The following DOCK8 variants were observed in gnomAD, a reference collection of about 807,000 sequenced individuals.
DOCK8 encodes the protein dedicator of cytokinesis 8.
Under a neutral mutation model 245.6 loss-of-function variants are expected in DOCK8, and 141 were observed. That is an observed-to-expected ratio of 0.57 (90% CI 0.50 to 0.66). DOCK8 has a LOEUF of 0.66. Among genes scored for constraint, DOCK8 ranks in the 30% least tolerant of loss-of-function variants. The probability of loss-of-function intolerance (pLI) is 0.00; values close to 1 mark genes in which losing one functional copy is unlikely to be tolerated. For synonymous variants in DOCK8, 1,168 were observed against 970.2 expected (o/e 1.20, Z -3.79); for missense variants, 2,965 against 2,603.4 (o/e 1.14, Z -3.02).
intron 4 of DOCK8, among the ~76,000 whole-genome samples, chr9:290,440 A>G (rs978911643): frequency 7.2e-5 from 11 of 152,238 alleles, no homozygotes; most frequent in African/African-American, 2.4e-4. Flanking sequence ...TCCCAGGGGG[A>G]AAAATTAAGT....
intron 29 of DOCK8, among the ~76,000 whole-genome samples, chr9:417,506 T>A (rs2056080100): frequency 1.3e-5 from 2 of 152,220 alleles, no homozygotes; most frequent in Admixed American, 6.5e-5. Flanking sequence ...ATTAATAGTT[T>A]TTGATTGTAT....
At position 400,055 on chromosome 9, in the gene DOCK8, C is replaced by G. The variant is rs1478469896; in HGVS notation, c.3234+796C>G. On this transcript the variant is annotated intron_variant, in intron 26 of 47. Transcript: ENST00000432829. ...ATCACCACCACCACCTCCACCATCA[C>G]CACCTCCTTCACCATCACCATCACC... is the stretch of plus-strand genomic sequence containing the variant. 4.3e-4 allele frequency among the ~76,000 whole-genome samples: 47 copies of G among 108,394 alleles called. 2 individuals carry two copies. The highest frequency in any genetic ancestry group is 1.7e-3 in the East Asian group (6 of 3,596). 71.1% of individuals were successfully genotyped at this position (108,394 alleles called of 152,430 possible). A position where few individuals can be genotyped will look rare whatever the true frequency, so the allele number is the denominator to read the frequency against.
intron 14 of DOCK8, among the ~76,000 whole-genome samples, chr9:347,655 A>T (rs2051965304): frequency 1.3e-5 from 2 of 152,334 alleles, no homozygotes; most frequent in East Asian, 3.9e-4. Flanking sequence ...GCCCAGGCAA[A>T]ATCTAGTCAT....
At chr9:220,324 C>T (rs1415642045) in intron 1 of DOCK8, among the ~76,000 whole-genome samples, 1 of 152,176 alleles carries the variant, frequency 6.6e-6, no homozygotes, top group Non-Finnish European at 1.5e-5. Context: ...GAATTTTCTT[C>T]ATTTGGAGTT....
chr9:383,539 A>T (rs913183595), intron 22 of DOCK8, among the ~76,000 whole-genome samples: 1 of 152,130 alleles, frequency 6.6e-6, no homozygotes, highest in Non-Finnish European at 1.5e-5. Flanking sequence ...TCTCAAAAAA[A>T]GATACAAAAC....
chr9:241,089 T>G (rs1158129125), intron 1 of DOCK8, among the ~76,000 whole-genome samples: 1 of 152,184 alleles, frequency 6.6e-6, no homozygotes, highest in African/African-American at 2.4e-5. Context: ...TGTTTTTTGA[T>G]TTTATTTTTT....
chr9:327,827 GC>G lies in DOCK8; in HGVS notation c.895-194del, dbSNP rs1165780430. Among the ~76,000 whole-genome samples the G allele has an allele frequency of 7.9e-5, 12 of 152,270 alleles. No homozygotes were observed. In the East Asian group the frequency reaches 2.3e-3, roughly 29 times the overall value. On this transcript the variant is annotated intron_variant, in intron 8 of 47. Coordinates refer to ENST00000432829, the MANE Select transcript of DOCK8 (RefSeq NM_203447.4). ...TGTTTCAAGGAACATCTCTCAAATG[GC>G]TCCAGAATACCTAGACATTGTGACA...
chr9:365,433 C>A (rs979166270), intron 14 of DOCK8, among the ~76,000 whole-genome samples: 1 of 152,144 alleles, frequency 6.6e-6, no homozygotes, highest in South Asian at 2.1e-4. Context: ...TGTAGGTTTA[C>A]AGAGTTTGTA....
chr9:408,188 A>G (rs2055529470), intron 28 of DOCK8, among the ~76,000 whole-genome samples: 1 of 152,228 alleles, frequency 6.6e-6, no homozygotes, highest in African/African-American at 2.4e-5. Context: ...GTTCTCTCAA[A>G]GTGCTTACAA....
At chr9:409,075 T>C (rs559292720) in intron 28 of DOCK8, among the ~76,000 whole-genome samples, 1 of 152,196 alleles carries the variant, frequency 6.6e-6, no homozygotes, top group East Asian at 1.9e-4. Context: ...AATGTCATGC[T>C]TCAACAATAC....
intron 5 of DOCK8, among the ~76,000 whole-genome samples, chr9:308,505 A>G (rs77594025): frequency 0.011 from 1,665 of 152,356 alleles, 32 homozygotes; most frequent in African/African-American, 0.038. Context: ...GTGAGGCCAC[A>G]TAGCTAGATT....
At chr9:400,479 CCTT>C (rs1358962119) in intron 26 of DOCK8, among the ~76,000 whole-genome samples, 410 of 3,924 alleles carry the variant, frequency 0.1, 127 homozygotes, top group African/African-American at 0.48. Flanking sequence ...CCACCCACCT[CCTT>C]CACCATCACC....
intron 15 of DOCK8, chr9:369,072 C>G (rs2053163548): frequency 6.6e-6 from 1 of 151,868 alleles, no homozygotes; most frequent in East Asian, 1.9e-4. Context: ...TCCTAAAGTG[C>G]TGGGACTAAA....
intron 11 of DOCK8, among the ~76,000 whole-genome samples, chr9:335,276 T>C (rs143705167): frequency 1.3e-5 from 2 of 152,180 alleles, no homozygotes; most frequent in African/African-American, 4.8e-5. Context: ...GTGTAGAAAT[T>C]TTCAAAAGGG....
intron 1 of DOCK8, among the ~76,000 whole-genome samples, chr9:222,347 A>C (rs1449759229): frequency 5.3e-5 from 8 of 152,144 alleles, no homozygotes; most frequent in African/African-American, 1.9e-4. Flanking sequence ...TCTTATACAT[A>C]CTTTTTTCTG....
intron 28 of DOCK8, 137 bp downstream of exon 28, chr9:407,206 C>A: frequency 1.5e-6 from 2 of 1,349,816 alleles, no homozygotes; most frequent in Non-Finnish European, 2.1e-6. Context: ...AAACATCTGT[C>A]TTGAGAATAT....
In DOCK8 at chr9:332,438, C is replaced by T; in HGVS notation, c.1085C>T (p.Ala362Val). 6.2e-7 allele frequency: 1 copy of T among 1,613,184 alleles called. No homozygotes were observed. Among genetic ancestry groups the T allele is most frequent in the Non-Finnish European group, 8.5e-7 (1 of 1,179,370 alleles). ...VLQQGEIGDC[A>V]EPYTVIKESD... The stretch of plus-strand genomic sequence containing the variant: ...CAGCAGGGAGAGATTGGAGACTGTG[C>T]AGAGCCCTACACGGTTATCAAAGAA... Residue 362 changes from alanine (A) to valine (V), a missense_variant, in exon 10 of 48, where the codon GCA becomes GTA. By Grantham distance (64) the Ala-to-Val change is moderately conservative (BLOSUM62 0). Around this residue, in one of 3 missense-constraint regions of DOCK8, gnomAD observed 2,825 missense variants for 2,453.5 expected, o/e 1.15. Coordinates refer to ENST00000432829, the MANE Select transcript of DOCK8 (RefSeq NM_203447.4).
At chr9:240,763 C>T (rs941094871) in intron 1 of DOCK8, among the ~76,000 whole-genome samples, 2 of 152,106 alleles carry the variant, frequency 1.3e-5, no homozygotes, top group African/African-American at 4.8e-5. Flanking sequence ...GACCCTGCTT[C>T]CCTCATGAAA....
chr9:281,547 C>T (rs1462797918), intron 2 of DOCK8, among the ~76,000 whole-genome samples: 1 of 152,156 alleles, frequency 6.6e-6, no homozygotes, highest in Non-Finnish European at 1.5e-5. Flanking sequence ...TTCTAAACTG[C>T]ATCCCTGCTG....
Sources: gnomAD v4.1 joint callset for allele counts (sites outside exome capture counted in the v4.1 genomes callset) on GRCh38, gnomAD v4.1.1 for gene constraint, gnomAD v4.1.1 regional missense constraint, MANE v1.5 for transcripts, NCBI Gene and HGNC (gene_info 2026-07-23, HGNC 2026-07-21) for gene names.